The following GRAMD1A variants were observed in gnomAD, a reference collection of about 807,000 sequenced individuals.
The protein encoded by GRAMD1A is GRAM domain containing 1A.
Under a neutral mutation model 92.0 loss-of-function variants are expected in GRAMD1A, and 50 were observed. The observed-to-expected ratio is 0.54, with a 90% CI of 0.43 to 0.69. The LOEUF is 0.69. Ranked by LOEUF, GRAMD1A falls within the 30% of genes least tolerant of loss-of-function variation. The pLI is 0.00. For missense variants in GRAMD1A, 819 were observed against 978.9 expected (o/e 0.84, Z 2.18); for synonymous variants, 405 against 403.6 (o/e 1.00, Z -0.04).
chr19:35,012,647 C>T (rs1206956909), intron 7 of GRAMD1A, among the ~76,000 whole-genome samples: 2 of 152,248 alleles, frequency 1.3e-5, no homozygotes, highest in Admixed American at 6.5e-5. Context: ...CTTCCCCTTC[C>T]TGGGACTCCG....
At position 35,013,393 on chromosome 19, in the gene GRAMD1A, GA is replaced by G. The variant is rs778409306; in HGVS notation, c.719+27del. 2 of 1,520,032 alleles carry G rather than the reference GA, an allele frequency of 1.3e-6. No individual in the cohort carries two copies. Among genetic ancestry groups the G allele is most frequent in the South Asian group, 2.3e-5 (2 of 85,718 alleles). The allele number at this position is 1,520,032 out of a possible 1,614,324, so 94.2% of individuals were successfully genotyped here. ...GGTGAGTTGGAGGTCAAAGGAGGTT[GA>G]AGGGTTCGGGGGAGAACAGGACGGT... On this transcript the variant is annotated intron_variant, in intron 8 of 19. Coordinates refer to ENST00000317991, the MANE Select transcript of GRAMD1A (RefSeq NM_020895.5). The surrounding 1 kb of genome is among the most constrained non-coding windows in gnomAD (Gnocchi z 4.9).
rs1568323826 is a variant in GRAMD1A at position 35,010,297 on chromosome 19, TGAAG to T, written c.448_451del (p.Glu150Ter). 1 of 1,613,028 alleles carries T rather than the reference TGAAG, an allele frequency of 6.2e-7. No individual in the cohort carries two copies. On this transcript the variant is annotated frameshift_variant, in exon 6 of 20. Transcript: ENST00000317991. LOFTEE classifies it high-confidence loss of function. The stretch of plus-strand genomic sequence containing the variant: ...TGCTGTCCTCAGATCTCCATCCAGC[TGAAG>T]GAAGTGACATGTCTGAAGAAGGAAA...
In GRAMD1A at chr19:35,013,203, C is replaced by T. The variant is rs1414840082; in HGVS notation, c.607-53C>T. ...GAGGGCTGGTGGGGAATCTGGCGGG[C>T]CGGGCTCTGGCTGGGGTGAGATGGA... On this transcript the variant is annotated intron_variant, in intron 7 of 19. Transcript: ENST00000317991. The surrounding 1 kb of genome is among the most constrained non-coding windows in gnomAD (Gnocchi z 4.9). The T allele has an allele frequency of 4.1e-5, 40 of 964,192 alleles. No individual in the cohort carries two copies. Among genetic ancestry groups the T allele is most frequent in the Non-Finnish European group, 6.0e-5 (38 of 632,154 alleles). The allele number at this position is 964,192 out of a possible 1,614,324, so 59.7% of individuals were successfully genotyped here. A position where few individuals can be genotyped will look rare whatever the true frequency, so the allele number is the denominator to read the frequency against.
chr19:35,005,637 TTTAA>T (rs2014756445), intron 1 of GRAMD1A, among the ~76,000 whole-genome samples: 1 of 152,060 alleles, frequency 6.6e-6, no homozygotes, highest in South Asian at 2.1e-4. Flanking sequence ...CCACTGGCTG[TTTAA>T]TTATTTTATT....
At position 35,013,081 on chromosome 19, in the gene GRAMD1A, A is replaced by AG. The variant is rs567012073; in HGVS notation, c.607-171dup. On this transcript the variant is annotated intron_variant, in intron 7 of 19. Coordinates refer to ENST00000317991, the MANE Select transcript of GRAMD1A (RefSeq NM_020895.5). This position sits in a 1 kb window ranked among gnomAD's most constrained non-coding sequence, Gnocchi z 4.9. ...TTTGAGTCCTGGGCGCAGGCCCTGG[A>AG]GGGGCTGTAGCAGGGGATTCCCCGC... 248 of 573,232 alleles carry AG rather than the reference A, an allele frequency of 4.3e-4. 2 individuals are homozygous for AG. In the East Asian group the frequency reaches 4.7e-3, roughly 11 times the overall value. The allele number at this position is 573,232 out of a possible 1,614,324, so 35.5% of individuals were successfully genotyped here.
intron 1 of GRAMD1A, among the ~76,000 whole-genome samples, chr19:35,001,799 G>A (rs1404202113): frequency 6.6e-6 from 1 of 152,010 alleles, no homozygotes; most frequent in East Asian, 1.9e-4. Context: ...GTAGAGATGG[G>A]GTTTCACCAT....
Position 35,009,951 on chromosome 19 carries a change from G to A in GRAMD1A, c.304G>A (p.Glu102Lys). 5 of 1,610,936 alleles carry A rather than the reference G, an allele frequency of 3.1e-6. No individual in the cohort carries two copies. Among genetic ancestry groups the A allele is most frequent in the East Asian group, 2.2e-5 (1 of 44,856 alleles). ...DFRKLFSKLP[E>K]AERLIVDYSC... Reference sequence around the variant, plus strand: ...CCGGAAACTGTTCAGCAAACTCCCCGAAGCAGAACGCCTCATTGTGGGTGA... The same window carrying A: ...CCGGAAACTGTTCAGCAAACTCCCCAAAGCAGAACGCCTCATTGTGGGTGA... Residue 102 changes from glutamate (E) to lysine (K), a missense_variant, in exon 4 of 20, where the codon GAA (glutamate) becomes AAA (lysine). Coordinates refer to ENST00000317991, the MANE Select transcript of GRAMD1A (RefSeq NM_020895.5).
In GRAMD1A at chr19:35,023,343, G is replaced by A. The variant is rs1415305953; in HGVS notation, c.1961G>A (p.Gly654Asp). The change falls in exon 18 of 20, where the codon GGC (glycine) becomes GAC (aspartate). Residue 654 changes from glycine (G) to aspartate (D), a missense_variant and splice_region_variant. By Grantham distance (94) the Gly-to-Asp change is moderately conservative (BLOSUM62 -1). This residue lies in a region of GRAMD1A where 577 missense variants were observed against 674.6 expected (regional missense o/e 0.86). Transcript: ENST00000317991. ...ESWHSLALAK[G>D]KFPQTATEWA... is the part of the protein sequence containing the mutation. Reference sequence around the variant, plus strand: ...TGGCACAGCCTGGCCCTGGCCAAGGGGTGAGTGGGTAGCCTGGGGAAATGG... The same window carrying A: ...TGGCACAGCCTGGCCCTGGCCAAGGAGTGAGTGGGTAGCCTGGGGAAATGG... 6.2e-7 allele frequency: 1 copy of A among 1,614,020 alleles called. No individual in the cohort carries two copies. The highest frequency in any genetic ancestry group is 2.2e-5 in the East Asian group (1 of 44,884).
chr19:35,004,690 C>T (rs527616156), intron 1 of GRAMD1A, among the ~76,000 whole-genome samples: 2 of 151,984 alleles, frequency 1.3e-5, no homozygotes, highest in Non-Finnish European at 2.9e-5. Flanking sequence ...TAACATCAGG[C>T]GTAGTGCTTG....
At position 35,021,361 on chromosome 19, in the gene GRAMD1A, G is replaced by A; in HGVS notation, c.1476-141G>A. 1.5e-6 allele frequency: 1 copy of A among 661,192 alleles called. No individual in the cohort carries two copies. The allele number at this position is 661,192 out of a possible 1,614,324, so 41.0% of individuals were successfully genotyped here. On this transcript the variant is annotated intron_variant, in intron 13 of 19. Coordinates refer to ENST00000317991, the MANE Select transcript of GRAMD1A (RefSeq NM_020895.5). This position sits in a 1 kb window ranked among gnomAD's most constrained non-coding sequence, Gnocchi z 5.3. ...TGGGGTATCCAGGGAAGCCATGGGG[G>A]GTAGGGAACCCATCTGTTTTGTCTG...
upstream of GRAMD1A, among the ~76,000 whole-genome samples, chr19:34,997,482 G>A (rs182223054): frequency 2.6e-5 from 4 of 151,892 alleles, no homozygotes; most frequent in Admixed American, 2.6e-4. Context: ...GGTACAAGGA[G>A]ACAGGAAATG....
rs2015460959 is a variant in GRAMD1A, at chr19:35,014,229, A to G, written c.911A>G (p.Asp304Gly). ...GAGGAGCAGGTAGACAGCCAGCCAGACGCCTCCTCCAGCCAGACAGTGACC... is the reference window on the plus strand; with the variant it reads ...GAGGAGCAGGTAGACAGCCAGCCAGGCGCCTCCTCCAGCCAGACAGTGACC... ...DKEEQVDSQPDASSSQTVTPV... is the reference protein window; with the variant it reads ...DKEEQVDSQPGASSSQTVTPV... The change falls in exon 10 of 20, where the codon GAC (aspartate) becomes GGC (glycine). Residue 304 changes from aspartate (D) to glycine (G), a missense_variant. This residue lies in a region of GRAMD1A where 577 missense variants were observed against 674.6 expected (regional missense o/e 0.86). Transcript: ENST00000317991. 3 of 1,613,846 alleles carry G rather than the reference A, an allele frequency of 1.9e-6. No homozygotes were observed. The highest frequency in any genetic ancestry group is 2.7e-5 in the African/African-American group (2 of 74,868).
intron 1 of GRAMD1A, among the ~76,000 whole-genome samples, chr19:35,006,350 A>G (rs777217608): frequency 3.3e-4 from 50 of 152,178 alleles, no homozygotes; most frequent in Non-Finnish European, 5.7e-4. Flanking sequence ...GAAAGAAACC[A>G]GGCCCGTATC....
chr19:35,019,566 C>T (rs1348830800), intron 13 of GRAMD1A, 33 bp downstream of exon 13: 22 of 1,606,478 alleles, frequency 1.4e-5, no homozygotes, highest in Non-Finnish European at 1.9e-5. Context: ...CACCCGATGC[C>T]CTGGTGGCCC....
intron 1 of GRAMD1A, among the ~76,000 whole-genome samples, chr19:35,006,218 A>C (rs2014803295): frequency 6.6e-6 from 1 of 152,136 alleles, no homozygotes; most frequent in South Asian, 2.1e-4. Context: ...GCTACTGCGG[A>C]GGCTGAGGCA....
At chr19:35,020,602 T>C in intron 13 of GRAMD1A, among the ~76,000 whole-genome samples, 1 of 145,782 alleles carries the variant, frequency 6.9e-6, no homozygotes, top group South Asian at 2.1e-4. Flanking sequence ...GAGATTTCAG[T>C]GAGCCATGAT....
rs200641144 is a variant in GRAMD1A, at chr19:35,011,464, T to G, written c.526-10T>G. On this transcript the variant is annotated splice_polypyrimidine_tract_variant and intron_variant, in intron 6 of 19. Transcript: ENST00000317991. ...CTGCTCACACCTCTCTCTCTCTCTC[T>G]CCCTGACAGCATTTCTTCACTTCCT... 1 of 1,600,286 alleles carries G rather than the reference T, an allele frequency of 6.2e-7. No homozygotes were observed. Among genetic ancestry groups the G allele is most frequent in the African/African-American group, 1.3e-5 (1 of 74,748 alleles).
intron 11 of GRAMD1A, among the ~76,000 whole-genome samples, chr19:35,016,764 G>C (rs890185773): frequency 1.3e-5 from 2 of 151,944 alleles, no homozygotes; most frequent in Admixed American, 1.3e-4. Flanking sequence ...TTTTAGCCAG[G>C]CATGGTGGCG....
Position 35,015,836 on chromosome 19 carries a change from C to A in GRAMD1A, c.1082C>A (p.Ala361Asp). ...CCTCTGTCTCCAGCGGACTTGGCTGCCCTGCTTCCCGACCTCTCCGGCCGC... is the reference window on the plus strand; with the variant it reads ...CCTCTGTCTCCAGCGGACTTGGCTGACCTGCTTCCCGACCTCTCCGGCCGC... ...SSTGEEADLAALLPDLSGRLL... is the reference protein window; with the variant it reads ...SSTGEEADLADLLPDLSGRLL... Residue 361 changes from alanine to aspartate, a missense_variant, in exon 11 of 20, where the codon GCC becomes GAC. Coordinates refer to ENST00000317991, the MANE Select transcript of GRAMD1A (RefSeq NM_020895.5). The A allele has an allele frequency of 6.2e-7, 1 of 1,613,780 alleles. No individual in the cohort carries two copies. Among genetic ancestry groups the A allele is most frequent in the Non-Finnish European group, 8.5e-7 (1 of 1,179,842 alleles).
Sources: gnomAD v4.1 joint callset for allele counts (sites outside exome capture counted in the v4.1 genomes callset) on GRCh38, gnomAD v4.1.1 for gene constraint, gnomAD v4.1.1 regional missense constraint, Gnocchi (gnomAD v3.1) non-coding constraint, MANE v1.5 for transcripts, NCBI Gene and HGNC (gene_info 2026-07-23, HGNC 2026-07-21) for gene names.